Variants in ZNF410 observed in about 807,000 individuals in gnomAD.
The protein encoded by ZNF410 is another partner for ARF 1.
In ZNF410, 18 loss-of-function variants were observed where a neutral mutation model predicts 54.8. That is an observed-to-expected ratio of 0.33 (90% CI 0.23 to 0.49). ZNF410 has a LOEUF of 0.49. ZNF410 is among the 20% of genes least tolerant of loss of function. The pLI, the probability that ZNF410 is intolerant of heterozygous loss-of-function variation, is 0.99. For missense variants in ZNF410, 405 were observed against 569.6 expected, an observed-to-expected ratio of 0.71 and a Z score of 2.94; for synonymous variants, 191 against 207.3, an observed-to-expected ratio of 0.92 and a Z score of 0.68.
rs77220465 is a variant in ZNF410, at chr14:73,908,415, T to G, written c.914-926T>G. On this transcript the variant is annotated intron_variant, in intron 7 of 11. Transcript: ENST00000555044. ...TGTTCTGTTATATATATTAGTATAT[T>G]GCTCATTCTTTCAATAACTTTTTGA... Among the ~76,000 whole-genome samples the G allele has an allele frequency of 4.0e-3, 604 of 152,336 alleles. 1 individual carries two copies. The highest frequency in any genetic ancestry group is 0.014 in the African/African-American group (563 of 41,574).
chr14:73,899,203 A>T (rs2055368166), intron 5 of ZNF410, among the ~76,000 whole-genome samples: 1 of 152,058 alleles, frequency 6.6e-6, no homozygotes, highest in African/African-American at 2.4e-5. Context: ...TAAAAAGTTA[A>T]AATTTCTCAT....
At chr14:73,898,432 C>T in intron 5 of ZNF410, 170 bp downstream of exon 5, 1 of 784,706 alleles carries the variant, frequency 1.3e-6, no homozygotes, top group Non-Finnish European at 2.0e-6. Context: ...TTGGTCATGC[C>T]AGATTTGTGT....
intron 1 of ZNF410, among the ~76,000 whole-genome samples, chr14:73,889,290 C>T (rs1190479337): frequency 1.3e-5 from 2 of 152,068 alleles, no homozygotes; most frequent in Admixed American, 1.3e-4. Context: ...TCCTCCTACT[C>T]AGCCTCCCTA....
At chr14:73,925,034 T>C (rs1037140675) in intron 11 of ZNF410, among the ~76,000 whole-genome samples, 2 of 152,236 alleles carry the variant, frequency 1.3e-5, no homozygotes. Flanking sequence ...TTCAAATGAC[T>C]CTGCATCCTA....
intron 8 of ZNF410, among the ~76,000 whole-genome samples, chr14:73,919,115 C>T (rs1440620584): frequency 7.0e-6 from 1 of 142,236 alleles, no homozygotes; most frequent in African/African-American, 2.6e-5. Context: ...AAGCAATTCT[C>T]CTGCCTCAAC....
intron 3 of ZNF410, among the ~76,000 whole-genome samples, chr14:73,894,136 T>C (rs1489706686): frequency 6.6e-6 from 1 of 152,018 alleles, no homozygotes; most frequent in Non-Finnish European, 1.5e-5. Flanking sequence ...CCAGAGAGTG[T>C]GAGAGTGGGG....
intron 7 of ZNF410, among the ~76,000 whole-genome samples, chr14:73,906,164 A>C (rs1210943074): frequency 1.3e-5 from 2 of 151,646 alleles, no homozygotes; most frequent in Admixed American, 1.3e-4. Context: ...AGGCCTAGCT[A>C]ATTTTTTTTG....
chr14:73,910,537 A>G (rs1461715148), intron 8 of ZNF410, among the ~76,000 whole-genome samples: 1 of 152,158 alleles, frequency 6.6e-6, no homozygotes, highest in East Asian at 1.9e-4. Flanking sequence ...TGAGGTCAGG[A>G]GTTCGAGACC....
intron 11 of ZNF410, among the ~76,000 whole-genome samples, chr14:73,929,685 T>C (rs1482844408): frequency 2.0e-5 from 3 of 151,390 alleles, no homozygotes; most frequent in African/African-American, 7.3e-5. Flanking sequence ...AAAAATAAAA[T>C]AAAATTAGCT....
intron 11 of ZNF410, among the ~76,000 whole-genome samples, chr14:73,924,053 CAT>C (rs942741556): frequency 2.0e-5 from 3 of 152,158 alleles, no homozygotes; most frequent in African/African-American, 4.8e-5. Context: ...CTGCTATGGT[CAT>C]ATGTCTGGGA....
chr14:73,910,556 C>A (rs1456908889), intron 8 of ZNF410, among the ~76,000 whole-genome samples: 1 of 151,886 alleles, frequency 6.6e-6, no homozygotes, highest in Non-Finnish European at 1.5e-5. Flanking sequence ...CCAGCCTGAC[C>A]AACATGGTGA....
At chr14:73,904,212 G>A in intron 6 of ZNF410, 102 bp downstream of exon 6, 1 of 1,297,992 alleles carries the variant, frequency 7.7e-7, no homozygotes, top group Non-Finnish European at 1.1e-6. Flanking sequence ...GGAAAGTAGG[G>A]ACTCCAGTTA....
chr14:73,902,099 C>T (rs1214538539), intron 5 of ZNF410: 5 of 145,034 alleles, frequency 3.4e-5, no homozygotes, highest in South Asian at 2.2e-4. Flanking sequence ...AACGGAGTCT[C>T]GCTCTGTCGC....
intron 5 of ZNF410, among the ~76,000 whole-genome samples, chr14:73,903,166 T>C (rs2055433385): frequency 6.6e-6 from 1 of 152,214 alleles, no homozygotes; most frequent in East Asian, 1.9e-4. Flanking sequence ...TCTTACTCTG[T>C]TGCCCAGACT....
chr14:73,909,256 C>G (rs982538431), intron 7 of ZNF410, 85 bp from the exon 8 acceptor site: 7 of 1,174,158 alleles, frequency 6.0e-6, no homozygotes, highest in Non-Finnish European at 8.7e-6. Flanking sequence ...AGTCATTAGA[C>G]TCTGAATAAA....
At position 73,922,124 on chromosome 14, in the gene ZNF410, G is replaced by A; in HGVS notation, c.1188G>A (p.Leu396=). Residue 396 remains leucine (L), a synonymous_variant, in exon 10 of 12, where the codon CTG becomes CTA. Transcript: ENST00000555044. Reference sequence around the variant, plus strand: ...AGGCTTCAGTACCCAGTAAAAACCTGGTGTCTATGAATTCCCAGCCCAGCC... The same window carrying A: ...AGGCTTCAGTACCCAGTAAAAACCTAGTGTCTATGAATTCCCAGCCCAGCC... The part of the protein sequence containing the change: ...LEEASVPSKN[L]VSMNSQPSLG... 6.2e-7 allele frequency: 1 copy of A among 1,614,090 alleles called. No individual in the cohort carries two copies. The highest frequency in any genetic ancestry group is 8.5e-7 in the Non-Finnish European group (1 of 1,180,016).
At chr14:73,902,700 A>G (rs1016641179) in intron 5 of ZNF410, among the ~76,000 whole-genome samples, 1 of 152,220 alleles carries the variant, frequency 6.6e-6, no homozygotes, top group Non-Finnish European at 1.5e-5. Flanking sequence ...TCATGGCAGA[A>G]TTAAATGACT....
intron 1 of ZNF410, among the ~76,000 whole-genome samples, chr14:73,889,811 T>C (rs934763719): frequency 0.012 from 335 of 27,640 alleles, 2 homozygotes; most frequent in African/African-American, 0.024. Context: ...TTTTTTTTTT[T>C]CTCGACACAG....
At chr14:73,894,329 C>T in intron 3 of ZNF410, 1 of 701,606 alleles carries the variant, frequency 1.4e-6, no homozygotes, top group Non-Finnish European at 2.6e-6. Flanking sequence ...GAAATAGGGA[C>T]TAAAAGGACT....
Sources: allele counts gnomAD v4.1 joint callset (sites outside exome capture counted in the v4.1 genomes callset), GRCh38; gene constraint gnomAD v4.1.1; transcripts MANE v1.5; gene names NCBI Gene and HGNC (gene_info 2026-07-23, HGNC 2026-07-21).